Variants in PCDHA2 observed in about 807,000 individuals in gnomAD.
PCDHA2 encodes protocadherin alpha-2.
Under a neutral mutation model 66.0 loss-of-function variants are expected in PCDHA2, and 58 were observed. That is an observed-to-expected ratio of 0.88 (90% CI 0.71 to 1.09). PCDHA2 has a LOEUF of 1.09. PCDHA2 is among the 50% of genes least tolerant of loss of function. The pLI, the probability that PCDHA2 is intolerant of heterozygous loss-of-function variation, is 0.00. For synonymous variants in PCDHA2, 634 were observed against 554.0 expected, an observed-to-expected ratio of 1.14 and a Z score of -2.03; for missense variants, 1,267 against 1,242.3, an observed-to-expected ratio of 1.02 and a Z score of -0.30.
At chr5:140,824,083 G>GC (rs1767992835) in intron 1 of PCDHA2, 3 of 1,614,188 alleles carry the variant, frequency 1.9e-6, no homozygotes, top group Non-Finnish European at 2.5e-6. Flanking sequence ...AGACCTCATG[G>GC]CCTTCAGTCC....
chr5:140,869,135 C>T, intron 1 of PCDHA2: 1 of 1,613,026 alleles, frequency 6.2e-7, no homozygotes. Flanking sequence ...GGATTGGGCA[C>T]CCCACGACTA....
intron 1 of PCDHA2, chr5:140,869,354 T>C (rs782282863): frequency 6.2e-7 from 1 of 1,614,116 alleles, no homozygotes; most frequent in Non-Finnish European, 8.5e-7. Context: ...AATGGCATTT[T>C]GTTTGTGAAT....
chr5:140,798,009 C>T (rs1452528045), intron 1 of PCDHA2, among the ~76,000 whole-genome samples: 1 of 152,128 alleles, frequency 6.6e-6, no homozygotes, highest in East Asian at 1.9e-4. Flanking sequence ...CCCACCACCA[C>T]GCCCGGCTAT....
chr5:140,897,739 T>A (rs2066296532), intron 1 of PCDHA2, among the ~76,000 whole-genome samples: 1 of 152,176 alleles, frequency 6.6e-6, no homozygotes, highest in Admixed American at 6.5e-5. Flanking sequence ...GTATTTCTAG[T>A]TCTAGATCCC....
intron 1 of PCDHA2, among the ~76,000 whole-genome samples, chr5:140,949,282 T>C (rs1308331025): frequency 6.6e-6 from 1 of 151,850 alleles, no homozygotes; most frequent in African/African-American, 2.4e-5. Flanking sequence ...GAAAAGAATG[T>C]ATATTCTGTA....
intron 1 of PCDHA2, chr5:140,884,340 C>G (rs1480799859): frequency 1.2e-6 from 2 of 1,613,772 alleles, no homozygotes; most frequent in South Asian, 1.1e-5. Flanking sequence ...GGTCCAGAAG[C>G]GGCGCTGGTG....
chr5:140,967,020 C>G (rs782147091), intron 1 of PCDHA2: 4 of 1,607,570 alleles, frequency 2.5e-6, no homozygotes, highest in African/African-American at 1.3e-5. Flanking sequence ...CTGGGTGCGC[C>G]CAGTCCGCGC....
intron 1 of PCDHA2, chr5:140,828,295 C>G: frequency 6.2e-7 from 1 of 1,614,124 alleles, no homozygotes; most frequent in Non-Finnish European, 8.5e-7. Flanking sequence ...GGATGGCCTC[C>G]AAAGACCGCG....
chr5:140,995,237 T>G (rs1242320046), intron 3 of PCDHA2, among the ~76,000 whole-genome samples: 1 of 152,148 alleles, frequency 6.6e-6, no homozygotes, highest in African/African-American at 2.4e-5. Context: ...GGGCCAGTAT[T>G]AAGTAAAATA....
At chr5:140,996,622 G>C (rs2097735162) in intron 3 of PCDHA2, among the ~76,000 whole-genome samples, 1 of 152,156 alleles carries the variant, frequency 6.6e-6, no homozygotes, top group African/African-American at 2.4e-5. Context: ...AATTTCACTG[G>C]TTCCTGCAAA....
At chr5:140,876,443 A>C in intron 1 of PCDHA2, 1 of 1,614,012 alleles carries the variant, frequency 6.2e-7, no homozygotes, top group Non-Finnish European at 8.5e-7. Context: ...AACGCCATTG[A>C]TAAAGGGATT....
chr5:140,859,100 T>C (rs1372747667), intron 1 of PCDHA2: 1 of 150,268 alleles, frequency 6.7e-6, no homozygotes, highest in East Asian at 1.9e-4. Flanking sequence ...ATTATTCACT[T>C]AGCAGAAGAA....
At chr5:140,824,650 G>A (rs1768319030) in intron 1 of PCDHA2, 1 of 120,748 alleles carries the variant, frequency 8.3e-6, no homozygotes. Flanking sequence ...GTAGAGATAG[G>A]GGTCTTGCTA....
chr5:141,001,316 C>T (rs2098007805), intron 3 of PCDHA2, among the ~76,000 whole-genome samples: 2 of 152,096 alleles, frequency 1.3e-5, no homozygotes, highest in African/African-American at 4.8e-5. Flanking sequence ...AAATAATTTG[C>T]CAAACATCAC....
At chr5:140,824,619 T>TTTTTTTTTTTTG (rs1768250540) in intron 1 of PCDHA2, 2 of 129,516 alleles carry the variant, frequency 1.5e-5, no homozygotes, top group African/African-American at 3.5e-5. Flanking sequence ...AGTTTTTTTT[T>TTTTTTTTTTTTG]TTTTTTTTTT....
chr5:140,953,851 GC>G (rs1458424600), intron 1 of PCDHA2, among the ~76,000 whole-genome samples: 6 of 152,108 alleles, frequency 3.9e-5, no homozygotes, highest in African/African-American at 1.2e-4. Context: ...GTAAACATGT[GC>G]CATGGTGGTT....
chr5:140,863,068 C>A, intron 1 of PCDHA2: 1 of 567,906 alleles, frequency 1.8e-6, no homozygotes. Context: ...CCACGTGGGG[C>A]TCTGCACGGG....
chr5:140,842,949 C>A lies in PCDHA2; in HGVS notation c.2388+45597C>A, dbSNP rs2150348537. ...GTGAGCGCGCGCGACGCGGGCGTGC[C>A]GCCTCTGGGCAGCAACGTGACGCTG... On this transcript the variant is annotated intron_variant, in intron 1 of 3. Coordinates refer to ENST00000526136, the MANE Select transcript of PCDHA2 (RefSeq NM_018905.3). 3.3e-3 allele frequency: 5,193 copies of A among 1,594,666 alleles called. 424 individuals are homozygous for A. The African/African-American group carries it at 0.061, about 19-fold the overall frequency.
chr5:140,795,782 C>G lies in PCDHA2; in HGVS notation c.818C>G (p.Pro273Arg). The G allele has an allele frequency of 1.2e-6, 2 of 1,613,704 alleles. No homozygotes were observed. Among genetic ancestry groups the G allele is most frequent in the Admixed American group, 3.3e-5 (2 of 60,014 alleles). ...KLNASDADEG[P>R]NSEIVYSLGS... The stretch of plus-strand genomic sequence containing the variant: ...AACGCTTCTGATGCAGATGAAGGAC[C>G]GAACAGCGAGATTGTGTATTCACTC... The change falls in exon 1 of 4, where the codon CCG (proline) becomes CGG (arginine). Residue 273 changes from proline to arginine, a missense_variant. By Grantham distance (103) the Pro-to-Arg change is moderately radical (BLOSUM62 -2). Transcript: ENST00000526136.
Sources: allele counts gnomAD v4.1 joint callset (sites outside exome capture counted in the v4.1 genomes callset), GRCh38; gene constraint gnomAD v4.1.1; transcripts MANE v1.5; gene names NCBI Gene and HGNC (gene_info 2026-07-23, HGNC 2026-07-21).